Variants in WWOX observed in about 807,000 individuals in gnomAD.
WWOX encodes WW domain-containing oxidoreductase.
Under a neutral mutation model 46.2 loss-of-function variants are expected in WWOX, and 69 were observed. The ratio of observed to expected loss-of-function variants is 1.49; its 90% CI spans 1.23 to 1.82. The LOEUF (loss-of-function observed/expected upper bound fraction) is 1.82, where lower values mean the gene tolerates loss of function less well. Ranked by LOEUF, WWOX falls within the 40% of genes most tolerant of loss-of-function variation. The probability of loss-of-function intolerance (pLI) is 0.00; values close to 1 mark genes in which losing one functional copy is unlikely to be tolerated. For missense variants in WWOX, 919 were observed against 542.6 expected, an observed-to-expected ratio of 1.69 and a Z score of -6.89; for synonymous variants, 359 against 202.6, an observed-to-expected ratio of 1.77 and a Z score of -6.56.
chr16:79,053,616 G>A (rs921666924), intron 8 of WWOX, among the ~76,000 whole-genome samples: 7 of 152,034 alleles, frequency 4.6e-5, no homozygotes, highest in African/African-American at 1.4e-4. Context: ...ATTATATTCC[G>A]ATCACTTTAA....
intron 8 of WWOX, among the ~76,000 whole-genome samples, chr16:78,581,225 T>A (rs950963483): frequency 3.3e-5 from 5 of 152,198 alleles, no homozygotes; most frequent in African/African-American, 1.2e-4. Flanking sequence ...TTTGAACTAA[T>A]TGCTAAAATG....
At chr16:79,003,900 G>C (rs1003863247) in intron 8 of WWOX, among the ~76,000 whole-genome samples, 4 of 152,184 alleles carry the variant, frequency 2.6e-5, no homozygotes, top group African/African-American at 9.7e-5. Context: ...TCGATGAGAG[G>C]AGAAGCGAAT....
chr16:79,178,477 G>T (rs4888936), intron 8 of WWOX, among the ~76,000 whole-genome samples: 2 of 151,474 alleles, frequency 1.3e-5, no homozygotes, highest in Non-Finnish European at 2.9e-5. Flanking sequence ...CACCATGCCT[G>T]GCTAATTTTC....
chr16:78,749,721 C>G (rs2049432124), intron 8 of WWOX, among the ~76,000 whole-genome samples: 1 of 152,106 alleles, frequency 6.6e-6, no homozygotes, highest in East Asian at 1.9e-4. Context: ...GAAAATGGGC[C>G]AAATAGATTG....
At chr16:78,989,419 C>T (rs1416301838) in intron 8 of WWOX, among the ~76,000 whole-genome samples, 6 of 152,208 alleles carry the variant, frequency 3.9e-5, no homozygotes, top group Non-Finnish European at 8.8e-5. Flanking sequence ...ATCTTAACAG[C>T]ACCACAAATA....
intron 8 of WWOX, among the ~76,000 whole-genome samples, chr16:78,995,280 A>G (rs909837562): frequency 1.3e-5 from 2 of 152,132 alleles, no homozygotes; most frequent in African/African-American, 4.8e-5. Flanking sequence ...GAACAGAGGC[A>G]TCTGGATGCA....
intron 5 of WWOX, among the ~76,000 whole-genome samples, chr16:78,365,954 T>G (rs1298124426): frequency 6.6e-6 from 1 of 152,224 alleles, no homozygotes; most frequent in African/African-American, 2.4e-5. Flanking sequence ...AGAAGTATTA[T>G]GCCCATGTGC....
At chr16:78,630,115 G>C (rs960622039) in intron 8 of WWOX, among the ~76,000 whole-genome samples, 1 of 152,182 alleles carries the variant, frequency 6.6e-6, no homozygotes, top group African/African-American at 2.4e-5. Context: ...CACTGGCCCA[G>C]AGAGAGTCCT....
rs113284739 is a variant in WWOX, at chr16:79,017,706, AT to A, written c.1057-193892del. Among the ~76,000 whole-genome samples, 67 of 149,456 alleles carry A rather than the reference AT, an allele frequency of 4.5e-4. 1 individual carries two copies. The highest frequency in any genetic ancestry group is 4.1e-3 in the East Asian group (21 of 5,114). Reference sequence around the variant, plus strand: ...TATGTCATGAAATTATATTTTTTTGATTTTTTTTTTCATAAAACCAGTCTAA... The same window carrying A: ...TATGTCATGAAATTATATTTTTTTGATTTTTTTTTCATAAAACCAGTCTAA... On this transcript the variant is annotated intron_variant, in intron 8 of 8. Coordinates refer to ENST00000566780, the MANE Select transcript of WWOX (RefSeq NM_016373.4).
At chr16:78,257,422 C>T (rs943661654) in intron 5 of WWOX, among the ~76,000 whole-genome samples, 1 of 152,162 alleles carries the variant, frequency 6.6e-6, no homozygotes, top group Non-Finnish European at 1.5e-5. Flanking sequence ...TACAGGCTCC[C>T]GTGAGGCGGT....
At chr16:79,067,987 A>G (rs1004659875) in intron 8 of WWOX, among the ~76,000 whole-genome samples, 2 of 152,188 alleles carry the variant, frequency 1.3e-5, no homozygotes, top group African/African-American at 2.4e-5. Flanking sequence ...AGCCTGCACA[A>G]AAGCAGAACT....
intron 8 of WWOX, among the ~76,000 whole-genome samples, chr16:78,673,961 A>T (rs1363582679): frequency 6.6e-6 from 1 of 152,178 alleles, no homozygotes; most frequent in Non-Finnish European, 1.5e-5. Context: ...ATAAAATCAG[A>T]AACATGGAAA....
intron 5 of WWOX, among the ~76,000 whole-genome samples, chr16:78,215,051 G>A (rs2036673310): frequency 6.6e-6 from 1 of 152,156 alleles, no homozygotes; most frequent in Non-Finnish European, 1.5e-5. Flanking sequence ...GACATGGCGG[G>A]GTTTGGTAGT....
chr16:78,180,660 G>A (rs71396159), intron 5 of WWOX, among the ~76,000 whole-genome samples: 5,772 of 152,086 alleles, frequency 0.038, 161 homozygotes, highest in Non-Finnish European at 0.06. Context: ...AAACCCAGCC[G>A]CACCGGAGAG....
Position 78,973,616 on chromosome 16 carries a change from C to G in WWOX, c.1057-237992C>G, listed in dbSNP as rs566586363. The stretch of plus-strand genomic sequence containing the variant: ...CTCAGTCTCTCAAACTGTAGGAGGA[C>G]CAACTTCAGGGTTTTATTTTGTTTG... On this transcript the variant is annotated intron_variant, in intron 8 of 8. Transcript: ENST00000566780. Among the ~76,000 whole-genome samples the G allele has an allele frequency of 2.0e-5, 3 of 152,270 alleles. No homozygotes were observed. The South Asian group carries it at 6.2e-4, about 32-fold the overall frequency.
At chr16:78,378,480 C>T (rs1490534717) in intron 5 of WWOX, among the ~76,000 whole-genome samples, 3 of 152,138 alleles carry the variant, frequency 2.0e-5, no homozygotes, top group East Asian at 1.9e-4. Flanking sequence ...CCATTGCCAC[C>T]GTTACCATTA....
chr16:78,938,490 G>T (rs187197890), intron 8 of WWOX, among the ~76,000 whole-genome samples: 1 of 152,208 alleles, frequency 6.6e-6, no homozygotes, highest in African/African-American at 2.4e-5. Context: ...TCTATCTCCT[G>T]CTGCTGTCTC....
At chr16:79,190,170 G>A (rs114260862) in intron 8 of WWOX, among the ~76,000 whole-genome samples, 35 of 151,930 alleles carry the variant, frequency 2.3e-4, no homozygotes, top group Non-Finnish European at 2.2e-4. Context: ...GATTTTAGGT[G>A]TGCAACACCA....
At chr16:78,218,810 G>A (rs2036802879) in intron 5 of WWOX, among the ~76,000 whole-genome samples, 1 of 152,254 alleles carries the variant, frequency 6.6e-6, no homozygotes, top group African/African-American at 2.4e-5. Context: ...CGTGCTATCT[G>A]TAGGGACAGT....
Sources: allele counts gnomAD v4.1 joint callset (sites outside exome capture counted in the v4.1 genomes callset), GRCh38; gene constraint gnomAD v4.1.1; transcripts MANE v1.5; gene names NCBI Gene and HGNC (gene_info 2026-07-23, HGNC 2026-07-21).